Variants in ABAT observed in about 807,000 individuals in gnomAD.
ABAT encodes 4-aminobutyrate aminotransferase, also known as 4-aminobutyrate aminotransferase, mitochondrial.
In ABAT, 45 loss-of-function variants were observed where a neutral mutation model predicts 64.6. That is an observed-to-expected ratio of 0.70 (90% CI 0.55 to 0.89). ABAT has a LOEUF of 0.89. ABAT is among the 40% of genes least tolerant of loss of function. ABAT has a pLI of 0.00. For missense variants in ABAT, 633 were observed against 658.4 expected (o/e 0.96, Z 0.42); for synonymous variants, 297 against 250.5 (o/e 1.19, Z -1.75).
chr16:8,693,477 T>G (rs747084650), intron 1 of ABAT, among the ~76,000 whole-genome samples: 3 of 152,208 alleles, frequency 2.0e-5, no homozygotes, highest in Non-Finnish European at 4.4e-5. Flanking sequence ...ATTTTTAGTT[T>G]TTTGAGACAG....
Position 8,776,206 on chromosome 16 carries a change from T to C in ABAT, c.1123-138T>C, listed in dbSNP as rs1596472438. ...AAGAATTCAGCGAGATTGGGTGTGT[T>C]CCCCTGCCAGCCTCTGGTAGATGCC... On this transcript the variant is annotated intron_variant, in intron 13 of 15. Coordinates refer to ENST00000268251, the MANE Select transcript of ABAT (RefSeq NM_020686.6). The surrounding 1 kb of genome is among the most constrained non-coding windows in gnomAD (Gnocchi z 4.4). The C allele has an allele frequency of 8.4e-7, 1 of 1,188,230 alleles. No individual in the cohort carries two copies. Among genetic ancestry groups the C allele is most frequent in the Non-Finnish European group, 1.2e-6 (1 of 817,740 alleles). The allele number at this position is 1,188,230 out of a possible 1,614,324, so 73.6% of individuals were successfully genotyped here. A position where few individuals can be genotyped will look rare whatever the true frequency, so the allele number is the denominator to read the frequency against.
chr16:8,754,084 G>A (rs1048099670), intron 5 of ABAT, among the ~76,000 whole-genome samples: 8 of 149,544 alleles, frequency 5.3e-5, no homozygotes, highest in Non-Finnish European at 1.2e-4. Flanking sequence ...AGTGGCTCAC[G>A]CCTGTAATCC....
At chr16:8,720,612 G>T (rs2058341371) in intron 1 of ABAT, 1 of 152,272 alleles carries the variant, frequency 6.6e-6, no homozygotes, top group African/African-American at 2.4e-5. Context: ...GCCCCTGAAT[G>T]GGGCCCTGTT....
chr16:8,760,342 A>G (rs1471578966), intron 6 of ABAT: 2 of 152,258 alleles, frequency 1.3e-5, no homozygotes, highest in South Asian at 2.1e-4. Flanking sequence ...TTGATCCCAG[A>G]AAGAAATCTA....
chr16:8,782,243 A>ACACACGTGAGCCACAGGGC lies in ABAT; in HGVS notation c.*814_*832dup, dbSNP rs1567321566. ...AACTGTAGCCTGAGTGTCCACAGGG[A>ACACACGTGAGCCACAGGGC]CACACGTGAGCCACAGGGCTAGAAG... On this transcript the variant is annotated 3_prime_UTR_variant, in exon 16 of 16. Coordinates refer to ENST00000268251, the MANE Select transcript of ABAT (RefSeq NM_020686.6). The ACACACGTGAGCCACAGGGC allele has an allele frequency of 2.0e-5, 3 of 152,512 alleles. No individual in the cohort carries two copies. Among genetic ancestry groups the ACACACGTGAGCCACAGGGC allele is most frequent in the African/African-American group, 7.2e-5 (3 of 41,428 alleles). 9.4% of individuals were successfully genotyped at this position (152,512 alleles called of 1,614,324 possible). A position where few individuals can be genotyped will look rare whatever the true frequency, so the allele number is the denominator to read the frequency against.
intron 2 of ABAT, among the ~76,000 whole-genome samples, chr16:8,740,483 C>G (rs971084882): frequency 2.0e-5 from 3 of 152,160 alleles, no homozygotes; most frequent in Non-Finnish European, 4.4e-5. Flanking sequence ...AGAAGCCACT[C>G]TCAGTTCCTT....
chr16:8,758,174 G>T (rs947737204), intron 6 of ABAT, among the ~76,000 whole-genome samples: 1 of 152,242 alleles, frequency 6.6e-6, no homozygotes. Context: ...TGACAAGTCT[G>T]TGAAGCAGGT....
chr16:8,746,119 T>TGGG (rs1389837823), intron 3 of ABAT, 21 bp downstream of exon 3: 1 of 1,591,270 alleles, frequency 6.3e-7, no homozygotes, highest in Non-Finnish European at 8.6e-7. Flanking sequence ...CACACCTGAG[T>TGGG]GGGGTATTTT....
intron 1 of ABAT, among the ~76,000 whole-genome samples, chr16:8,704,999 G>A (rs2057908886): frequency 6.6e-6 from 1 of 152,068 alleles, no homozygotes; most frequent in Non-Finnish European, 1.5e-5. Context: ...TCACTGCTCT[G>A]AACATCTCTG....
intron 1 of ABAT, chr16:8,715,372 C>G (rs2058184149): frequency 6.6e-6 from 1 of 152,034 alleles, no homozygotes; most frequent in Non-Finnish European, 1.5e-5. Flanking sequence ...AATCCCAGTG[C>G]TTTGGGAGTC....
intron 1 of ABAT, among the ~76,000 whole-genome samples, chr16:8,677,038 A>C (rs1278421576): frequency 6.6e-6 from 1 of 152,202 alleles, no homozygotes; most frequent in African/African-American, 2.4e-5. Context: ...CGAAGTTCAA[A>C]GCATGAGGAG....
intron 6 of ABAT, 79 bp from the exon 7 acceptor site, chr16:8,763,990 G>T (rs2059869435): frequency 8.4e-7 from 1 of 1,187,684 alleles, no homozygotes; most frequent in South Asian, 1.2e-5. Flanking sequence ...GAACACAGGG[G>T]CTATGAAAAG....
chr16:8,780,893 T>A, intron 15 of ABAT: 1 of 444,472 alleles, frequency 2.2e-6, no homozygotes, highest in East Asian at 4.6e-5. Context: ...CACACATGCT[T>A]CCGACTCAGC....
intron 5 of ABAT, among the ~76,000 whole-genome samples, chr16:8,752,587 A>G (rs539416299): frequency 1.3e-5 from 2 of 152,276 alleles, no homozygotes; most frequent in South Asian, 2.1e-4. Flanking sequence ...AGTGAGAACC[A>G]ACCCCAATCT....
intron 11 of ABAT, among the ~76,000 whole-genome samples, chr16:8,771,542 C>T (rs2060110696): frequency 6.7e-6 from 1 of 149,560 alleles, no homozygotes; most frequent in Non-Finnish European, 1.5e-5. Context: ...TATCTCGGCT[C>T]ATTGCAACTT....
intron 1 of ABAT, among the ~76,000 whole-genome samples, chr16:8,694,508 G>A (rs1567273006): frequency 6.6e-6 from 1 of 152,146 alleles, no homozygotes; most frequent in Non-Finnish European, 1.5e-5. Flanking sequence ...CTCCCGAGCA[G>A]CTGGGACCAC....
chr16:8,768,067 C>A, intron 9 of ABAT, 126 bp from the exon 10 acceptor site: 1 of 1,020,296 alleles, frequency 9.8e-7, no homozygotes, highest in Non-Finnish European at 1.5e-6. Context: ...CCATGGGTAA[C>A]TTTTGCCTGA....
intron 5 of ABAT, among the ~76,000 whole-genome samples, chr16:8,756,488 T>G (rs2059653118): frequency 6.6e-6 from 1 of 152,226 alleles, no homozygotes; most frequent in Non-Finnish European, 1.5e-5. Context: ...CCATGGTGGT[T>G]TACTGCACCT....
intron 11 of ABAT, among the ~76,000 whole-genome samples, chr16:8,772,276 G>C (rs879495214): frequency 0.013 from 1,089 of 82,222 alleles, 4 homozygotes; most frequent in African/African-American, 0.018. Flanking sequence ...GTGTGTGTGT[G>C]TGTGTGTGTG....
Sources: allele counts gnomAD v4.1 joint callset (sites outside exome capture counted in the v4.1 genomes callset), GRCh38; gene constraint gnomAD v4.1.1; non-coding constraint Gnocchi (gnomAD v3.1); transcripts MANE v1.5; gene names NCBI Gene and HGNC (gene_info 2026-07-23, HGNC 2026-07-21).